The following GRM7 variants were observed in gnomAD, a reference collection of about 807,000 sequenced individuals.
GRM7 encodes glutamate metabotropic receptor 7, also known as metabotropic glutamate receptor 7.
In GRM7, 35 loss-of-function variants were observed where a neutral mutation model predicts 84.5. That is an observed-to-expected ratio of 0.41 (90% CI 0.32 to 0.55). GRM7 has a LOEUF of 0.55. Ranked by LOEUF, GRM7 falls within the 20% of genes least tolerant of loss-of-function variation. GRM7 has a pLI of 0.19. For synonymous variants in GRM7, 487 were observed against 455.1 expected (o/e 1.07, Z -0.89); for missense variants, 1,003 against 1,194.6 (o/e 0.84, Z 2.36).
chr3:7,728,843 G>A (rs890254654), intron 9 of GRM7, among the ~76,000 whole-genome samples: 6 of 152,166 alleles, frequency 3.9e-5, no homozygotes, highest in South Asian at 2.1e-4. Context: ...TGAAAGCAGC[G>A]GCATCTCTAT....
intron 4 of GRM7, among the ~76,000 whole-genome samples, chr3:7,338,223 T>G (rs1021529641): frequency 2.6e-5 from 4 of 151,984 alleles, no homozygotes; most frequent in African/African-American, 9.7e-5. Context: ...GAGACCATTA[T>G]TCTACATGAA....
chr3:7,174,804 G>T (rs1223159388), intron 2 of GRM7, among the ~76,000 whole-genome samples: 1 of 152,160 alleles, frequency 6.6e-6, no homozygotes, highest in Non-Finnish European at 1.5e-5. Context: ...TTCTTGGCTG[G>T]GTAGCTGCCT....
At chr3:7,019,922 A>G (rs902555079) in intron 1 of GRM7, among the ~76,000 whole-genome samples, 2 of 152,242 alleles carry the variant, frequency 1.3e-5, no homozygotes, top group Non-Finnish European at 2.9e-5. Context: ...CTAAAAAGAC[A>G]CCGGAAAAGA....
At chr3:6,933,534 G>A (rs962402984) in intron 1 of GRM7, among the ~76,000 whole-genome samples, 11 of 152,006 alleles carry the variant, frequency 7.2e-5, no homozygotes, top group African/African-American at 2.7e-4. Flanking sequence ...TTTGAAATAC[G>A]GGAGGACATT....
intron 4 of GRM7, among the ~76,000 whole-genome samples, chr3:7,370,335 A>C (rs747508071): frequency 2.0e-5 from 3 of 152,102 alleles, no homozygotes; most frequent in Non-Finnish European, 2.9e-5. Context: ...CTTGGATGAT[A>C]TGGATCCAGA....
At chr3:6,967,382 G>A (rs570979591) in intron 1 of GRM7, among the ~76,000 whole-genome samples, 23 of 152,150 alleles carry the variant, frequency 1.5e-4, no homozygotes, top group African/African-American at 5.3e-4. Flanking sequence ...GTTTTGTAGA[G>A]ACAGGGTTTT....
At chr3:7,183,551 C>T (rs891144429) in intron 2 of GRM7, among the ~76,000 whole-genome samples, 7 of 152,010 alleles carry the variant, frequency 4.6e-5, no homozygotes, top group African/African-American at 7.2e-5. Flanking sequence ...TGCTTGAACC[C>T]GGGAGGTGGA....
intron 4 of GRM7, among the ~76,000 whole-genome samples, chr3:7,410,601 A>ACG (rs1368023068): frequency 6.2e-5 from 8 of 128,138 alleles, no homozygotes; most frequent in African/African-American, 3.1e-4. Flanking sequence ...ATATATATAC[A>ACG]CACACACACA....
At chr3:7,046,050 T>C (rs1261267886) in intron 1 of GRM7, among the ~76,000 whole-genome samples, 1 of 152,122 alleles carries the variant, frequency 6.6e-6, no homozygotes, top group African/African-American at 2.4e-5. Flanking sequence ...TTACCTTTTG[T>C]TGCTAATAGT....
intron 9 of GRM7, among the ~76,000 whole-genome samples, chr3:7,736,675 G>A (rs972433268): frequency 6.6e-6 from 1 of 152,130 alleles, no homozygotes; most frequent in Non-Finnish European, 1.5e-5. Context: ...AACATGGAGT[G>A]TAAAGGGCTT....
At chr3:7,097,968 C>T (rs1698915976) in intron 1 of GRM7, among the ~76,000 whole-genome samples, 1 of 152,096 alleles carries the variant, frequency 6.6e-6, no homozygotes, top group Admixed American at 6.6e-5. Flanking sequence ...TATGTATTCT[C>T]AGCTATTATA....
intron 1 of GRM7, among the ~76,000 whole-genome samples, chr3:7,135,567 G>A (rs1693744476): frequency 6.6e-6 from 1 of 152,054 alleles, no homozygotes; most frequent in African/African-American, 2.4e-5. Flanking sequence ...AAATCCCCCA[G>A]GAACAAATGA....
rs140011070 is a variant in GRM7, at chr3:6,874,457, C to T, written c.519+12550C>T. ...ACCACCATCATCATTGCCATCCTTA[C>T]TGATCAACTGGTCATATTCAGTACT... On this transcript the variant is annotated intron_variant, in intron 1 of 9. Coordinates refer to ENST00000357716, the MANE Select transcript of GRM7 (RefSeq NM_000844.4). Among the ~76,000 whole-genome samples, 130 of 152,318 alleles carry T rather than the reference C, an allele frequency of 8.5e-4. 1 individual carries two copies. The highest frequency in any genetic ancestry group is 2.9e-3 in the African/African-American group (122 of 41,560).
chr3:7,143,584 G>A (rs139881681), intron 1 of GRM7, among the ~76,000 whole-genome samples: 79 of 152,248 alleles, frequency 5.2e-4, no homozygotes, highest in African/African-American at 1.8e-3. Context: ...CAGTAATGAG[G>A]AAAGAAATCT....
chr3:7,606,133 C>T (rs1259835954), intron 8 of GRM7, among the ~76,000 whole-genome samples: 1 of 152,136 alleles, frequency 6.6e-6, no homozygotes, highest in Non-Finnish European at 1.5e-5. Flanking sequence ...TGAATATTTA[C>T]ATTAATTAAT....
intron 4 of GRM7, among the ~76,000 whole-genome samples, chr3:7,359,404 G>A (rs1442566114): frequency 2.9e-5 from 4 of 136,540 alleles, no homozygotes; most frequent in South Asian, 2.2e-4. Context: ...GCACAATTTC[G>A]GCTCACTGCA....
chr3:7,533,486 A>C (rs1261883311), intron 7 of GRM7, among the ~76,000 whole-genome samples: 2 of 152,206 alleles, frequency 1.3e-5, no homozygotes, highest in African/African-American at 2.4e-5. Flanking sequence ...TCTCTGGGAC[A>C]CAACTAAACC....
chr3:7,435,411 C>A lies in GRM7; in HGVS notation c.1175-17196C>A, dbSNP rs372484270. Among the ~76,000 whole-genome samples the A allele has an allele frequency of 9.1e-4, 139 of 152,200 alleles. 5 individuals carry two copies. In the South Asian group the frequency reaches 0.027, roughly 29 times the overall value. ...GCTCAAGAGATCCACCCACCGTGGC[C>A]TCCCAAAGTGCTGGGATTACAGGTA... On this transcript the variant is annotated intron_variant, in intron 5 of 9. Coordinates refer to ENST00000357716, the MANE Select transcript of GRM7 (RefSeq NM_000844.4).
intron 1 of GRM7, among the ~76,000 whole-genome samples, chr3:6,967,740 A>C (rs2125089665): frequency 6.6e-6 from 1 of 152,258 alleles, no homozygotes; most frequent in South Asian, 2.1e-4. Context: ...GAAATGCTGA[A>C]CCTCAGTGCT....
Sources: allele counts gnomAD v4.1 joint callset (sites outside exome capture counted in the v4.1 genomes callset), GRCh38; gene constraint gnomAD v4.1.1; transcripts MANE v1.5; gene names NCBI Gene and HGNC (gene_info 2026-07-23, HGNC 2026-07-21).